The following ZMYND11 variants were observed in gnomAD, a reference collection of about 807,000 sequenced individuals.
ZMYND11 encodes the protein zinc finger MYND-type containing 11, also known as zinc finger MYND domain-containing protein 11.
ZMYND11 carries 9 observed loss-of-function variants against 84.9 expected under a neutral mutation model. The observed-to-expected ratio is 0.11, with a 90% CI of 0.06 to 0.18. ZMYND11 has a LOEUF of 0.18. Among genes scored for constraint, ZMYND11 ranks in the 10% least tolerant of loss-of-function variants. The pLI is 1.00. For synonymous variants in ZMYND11, 250 were observed against 244.1 expected, an observed-to-expected ratio of 1.02 and a Z score of -0.23; for missense variants, 409 against 761.0, an observed-to-expected ratio of 0.54 and a Z score of 5.44.
At chr10:136,082 C>T (rs1184409206) in intron 1 of ZMYND11, among the ~76,000 whole-genome samples, 2 of 151,860 alleles carry the variant, frequency 1.3e-5, no homozygotes, top group African/African-American at 2.4e-5. Flanking sequence ...AGGCCCGGGG[C>T]GGAGATTCGT....
At chr10:228,553 G>T (rs1325352256) in intron 4 of ZMYND11, among the ~76,000 whole-genome samples, 3 of 152,190 alleles carry the variant, frequency 2.0e-5, no homozygotes, top group African/African-American at 7.2e-5. Flanking sequence ...AGAGGGAGTG[G>T]GAAGGTAGGT....
At chr10:227,860 C>G (rs1376955179) in intron 4 of ZMYND11, among the ~76,000 whole-genome samples, 1 of 152,116 alleles carries the variant, frequency 6.6e-6, no homozygotes, top group African/African-American at 2.4e-5. Context: ...TACATATTAA[C>G]AAATCTAGAA....
chr10:161,159 G>A (rs540625882), intron 1 of ZMYND11, among the ~76,000 whole-genome samples: 1 of 151,896 alleles, frequency 6.6e-6, no homozygotes, highest in Non-Finnish European at 1.5e-5. Flanking sequence ...GCTGCAGAAG[G>A]GATGTCATGT....
chr10:246,560 T>C (rs1056879450), intron 10 of ZMYND11, among the ~76,000 whole-genome samples: 1 of 152,180 alleles, frequency 6.6e-6, no homozygotes, highest in South Asian at 2.1e-4. Flanking sequence ...ACAGTTTATT[T>C]ATTCAAGCCA....
At chr10:157,264 A>G (rs1360141609) in intron 1 of ZMYND11, among the ~76,000 whole-genome samples, 2 of 152,238 alleles carry the variant, frequency 1.3e-5, no homozygotes, top group African/African-American at 2.4e-5. Context: ...CAGTGGTGCA[A>G]TCTCGGCTCA....
At chr10:190,205 C>T (rs1446345786) in intron 2 of ZMYND11, among the ~76,000 whole-genome samples, 1 of 152,160 alleles carries the variant, frequency 6.6e-6, no homozygotes, top group Non-Finnish European at 1.5e-5. Context: ...ATCCTTATGA[C>T]TTTCTTGCCT....
chr10:139,394 G>A (rs1237674541), intron 1 of ZMYND11, among the ~76,000 whole-genome samples: 2 of 152,126 alleles, frequency 1.3e-5, no homozygotes, highest in African/African-American at 2.4e-5. Context: ...GCATATGTGA[G>A]TTTATTTCTA....
At chr10:154,140 C>G (rs782697429) in intron 1 of ZMYND11, among the ~76,000 whole-genome samples, 1 of 152,212 alleles carries the variant, frequency 6.6e-6, no homozygotes, top group South Asian at 2.1e-4. Context: ...ATAGATGTTA[C>G]TGTAGCACTT....
chr10:248,961 T>A lies in ZMYND11; in HGVS notation c.1559T>A (p.Met520Lys). 3 of 1,614,148 alleles carry A rather than the reference T, an allele frequency of 1.9e-6. No individual in the cohort carries two copies. Among genetic ancestry groups the A allele is most frequent in the Non-Finnish European group, 2.5e-6 (3 of 1,180,032 alleles). ...RQAVNKAVAN[M>K]QGEMDRKCKQ... is the part of the protein sequence containing the mutation. Reference sequence around the variant, plus strand: ...GCTGTAAATAAAGCTGTAGCCAACATGCAGGGTGAGATGGACAGAAAATGT... The same window carrying A: ...GCTGTAAATAAAGCTGTAGCCAACAAGCAGGGTGAGATGGACAGAAAATGT... Residue 520 changes from methionine (M) to lysine (K), a missense_variant, in exon 14 of 15, where the codon ATG becomes AAG. This residue lies in a region of ZMYND11 where 141 missense variants were observed against 173.8 expected (regional missense o/e 0.81). Coordinates refer to ENST00000381604, the MANE Select transcript of ZMYND11 (RefSeq NM_001370100.5).
At chr10:156,872 AC>A (rs1554759360) in intron 1 of ZMYND11, among the ~76,000 whole-genome samples, 1 of 152,164 alleles carries the variant, frequency 6.6e-6, no homozygotes, top group Non-Finnish European at 1.5e-5. Context: ...TCTATTACTT[AC>A]CTATTTTCAA....
chr10:197,001 A>AAT (rs1941927702), intron 2 of ZMYND11, among the ~76,000 whole-genome samples: 1 of 151,358 alleles, frequency 6.6e-6, no homozygotes, highest in East Asian at 1.9e-4. Flanking sequence ...TATGTGTATC[A>AAT]ATACATACGC....
Position 237,647 on chromosome 10 carries a change from C to G in ZMYND11, c.579C>G (p.His193Gln). 1 of 1,613,348 alleles carries G rather than the reference C, an allele frequency of 6.2e-7. No homozygotes were observed. Among genetic ancestry groups the G allele is most frequent in the Non-Finnish European group, 8.5e-7 (1 of 1,179,758 alleles). Reference sequence around the variant, plus strand: ...ACCCGATGTACAGGAGGCTGGTGCACTCAGCTGTGGACGTTCCCACCATTC... The same window carrying G: ...ACCCGATGTACAGGAGGCTGGTGCAGTCAGCTGTGGACGTTCCCACCATTC... ...NKHPMYRRLV[H>Q]SAVDVPTIQE... The change falls in exon 6 of 15, where the codon CAC becomes CAG. Residue 193 changes from histidine to glutamine, a missense_variant. Transcript: ENST00000381604.
At chr10:242,287 AAATT>A in intron 10 of ZMYND11, 148 bp downstream of exon 10, 5 of 1,297,960 alleles carry the variant, frequency 3.9e-6, no homozygotes, top group Non-Finnish European at 5.2e-6. Context: ...GTTCCAAGAT[AAATT>A]GTTTCCAGAT....
intron 2 of ZMYND11, among the ~76,000 whole-genome samples, chr10:201,606 A>ACACACACAC: frequency 1.5e-5 from 2 of 136,200 alleles, no homozygotes; most frequent in Non-Finnish European, 3.4e-5. Flanking sequence ...ACACACACAC[A>ACACACACAC]TTATATATAT....
At chr10:244,883 C>T (rs1056394438) in intron 10 of ZMYND11, among the ~76,000 whole-genome samples, 2 of 152,220 alleles carry the variant, frequency 1.3e-5, no homozygotes, top group Admixed American at 1.3e-4. Context: ...TGTGAATCCA[C>T]TTTATTTAAG....
chr10:191,469 G>A (rs1410402240), intron 2 of ZMYND11, among the ~76,000 whole-genome samples: 1 of 152,188 alleles, frequency 6.6e-6, no homozygotes, highest in Non-Finnish European at 1.5e-5. Context: ...GGGAATGTGA[G>A]GCTATCAGGG....
At chr10:200,789 T>C (rs772605530) in intron 2 of ZMYND11, among the ~76,000 whole-genome samples, 1 of 152,228 alleles carries the variant, frequency 6.6e-6, no homozygotes, top group Non-Finnish European at 1.5e-5. Flanking sequence ...AATATCTTGC[T>C]GATTTAAGAA....
intron 3 of ZMYND11, among the ~76,000 whole-genome samples, chr10:216,950 GTTAA>G (rs1320477088): frequency 6.6e-6 from 1 of 152,010 alleles, no homozygotes; most frequent in South Asian, 2.1e-4. Flanking sequence ...AACAGAATTT[GTTAA>G]TTAAGCTAAA....
chr10:184,311 C>G (rs1231364899), intron 2 of ZMYND11, among the ~76,000 whole-genome samples: 1 of 152,142 alleles, frequency 6.6e-6, no homozygotes, highest in Non-Finnish European at 1.5e-5. Flanking sequence ...CTTATCTACA[C>G]ACATCCTTAT....
Sources: allele counts gnomAD v4.1 joint callset (sites outside exome capture counted in the v4.1 genomes callset), GRCh38; gene constraint gnomAD v4.1.1; regional missense constraint gnomAD v4.1.1; transcripts MANE v1.5; gene names NCBI Gene and HGNC (gene_info 2026-07-23, HGNC 2026-07-21).